GAREM1: variants seen among roughly 807,000 people sequenced by gnomAD.
GAREM1 encodes GRB2 associated regulator of MAPK1 subtype 1, also known as GRB2-associated and regulator of MAPK protein 1.
A neutral mutation model predicts 71.3 loss-of-function variants in GAREM1; 26 were observed. The observed-to-expected ratio is 0.36, with a 90% confidence interval of 0.27 to 0.51. The LOEUF is 0.51. Ranked by LOEUF, GAREM1 falls within the 20% of genes least tolerant of loss-of-function variation. The pLI, the probability that GAREM1 is intolerant of heterozygous loss-of-function variation, is 0.95. For missense variants in GAREM1, 1,026 were observed against 1,103.1 expected (o/e 0.93, Z 0.99); for synonymous variants, 440 against 433.2 (o/e 1.02, Z -0.20).
intron 1 of GAREM1, among the ~76,000 whole-genome samples, chr18:32,461,186 T>C (rs941265697): frequency 6.6e-6 from 1 of 152,206 alleles, no homozygotes; most frequent in Non-Finnish European, 1.5e-5. Context: ...TATAGATATC[T>C]TGGACCTTAT....
chr18:32,288,648 T>C (rs1425869062), intron 3 of GAREM1, among the ~76,000 whole-genome samples: 2 of 151,962 alleles, frequency 1.3e-5, no homozygotes, highest in African/African-American at 2.4e-5. Context: ...TTTAAAAAAT[T>C]ATACATCCAT....
chr18:32,279,057 A>G (rs1426825334), intron 4 of GAREM1, among the ~76,000 whole-genome samples: 1 of 152,218 alleles, frequency 6.6e-6, no homozygotes, highest in Non-Finnish European at 1.5e-5. Context: ...GGGTGCTTTC[A>G]TGGACTCAGA....
At chr18:32,410,931 T>C (rs1388990286) in intron 1 of GAREM1, among the ~76,000 whole-genome samples, 1 of 152,116 alleles carries the variant, frequency 6.6e-6, no homozygotes, top group African/African-American at 2.4e-5. Context: ...GCTTCCCAAG[T>C]AGATGGGATT....
chr18:32,358,172 CT>C (rs1310421301), intron 2 of GAREM1, among the ~76,000 whole-genome samples: 3 of 135,980 alleles, frequency 2.2e-5, no homozygotes, highest in Non-Finnish European at 4.6e-5. Flanking sequence ...CACACGGAGG[CT>C]TTCACAGGGG....
At chr18:32,306,302 C>G (rs995866636) in intron 3 of GAREM1, among the ~76,000 whole-genome samples, 2 of 152,098 alleles carry the variant, frequency 1.3e-5, no homozygotes. Context: ...CTTCTAGACC[C>G]CTAAATGCTG....
chr18:32,390,432 C>A (rs1315241595), intron 2 of GAREM1, among the ~76,000 whole-genome samples: 1 of 152,150 alleles, frequency 6.6e-6, no homozygotes, highest in Non-Finnish European at 1.5e-5. Context: ...GCGATTCATT[C>A]TATTTTGTTT....
chr18:32,303,483 T>C (rs1285391313), intron 3 of GAREM1, among the ~76,000 whole-genome samples: 1 of 152,174 alleles, frequency 6.6e-6, no homozygotes, highest in Non-Finnish European at 1.5e-5. Context: ...CTGGAAGACA[T>C]TTAAAATAAT....
intron 1 of GAREM1, among the ~76,000 whole-genome samples, chr18:32,398,465 T>C (rs1567995259): frequency 6.6e-6 from 1 of 151,802 alleles, no homozygotes; most frequent in Non-Finnish European, 1.5e-5. Flanking sequence ...ATAGACGCAA[T>C]AAAAAATGAT....
At position 32,382,827 on chromosome 18, in the gene GAREM1, G is replaced by T. The variant is rs530167319; in HGVS notation, c.262+10068C>A. On this transcript the variant is annotated intron_variant, in intron 2 of 5. Transcript: ENST00000269209. ...AGACTCGCTGCATAATTACTCTGTGGGTCAGGAGGAAAGGACCCTAGGTGG... is the reference window on the plus strand; with the variant it reads ...AGACTCGCTGCATAATTACTCTGTGTGTCAGGAGGAAAGGACCCTAGGTGG... Among the ~76,000 whole-genome samples the T allele has an allele frequency of 2.2e-4, 33 of 152,182 alleles. No individual in the cohort carries two copies. The South Asian group carries it at 5.6e-3, about 26-fold the overall frequency.
intron 1 of GAREM1, among the ~76,000 whole-genome samples, chr18:32,460,990 G>C (rs2048950013): frequency 6.6e-6 from 1 of 152,144 alleles, no homozygotes; most frequent in African/African-American, 2.4e-5. Flanking sequence ...TTTAGAATAT[G>C]GGTAACTAAT....
chr18:32,375,245 C>A (rs752895407), intron 2 of GAREM1, among the ~76,000 whole-genome samples: 48 of 152,078 alleles, frequency 3.2e-4, no homozygotes, highest in Non-Finnish European at 4.7e-4. Context: ...GGTTATAAGG[C>A]TGGTAAACTG....
chr18:32,468,380 A>T (rs2049017775), intron 1 of GAREM1, among the ~76,000 whole-genome samples: 1 of 152,258 alleles, frequency 6.6e-6, no homozygotes, highest in Non-Finnish European at 1.5e-5. Flanking sequence ...TGTTAAGTGA[A>T]AGAAGCAAGG....
intron 2 of GAREM1, among the ~76,000 whole-genome samples, chr18:32,378,012 CTGTG>C (rs1157230204): frequency 0.13 from 17,499 of 131,656 alleles, 1,124 homozygotes; most frequent in Middle Eastern, 0.2. Flanking sequence ...TACTATATAA[CTGTG>C]TGTGTGTGTG....
In GAREM1 at chr18:32,424,148, GA is replaced by G. The variant is rs1012994907; in HGVS notation, c.122-31114del. Among the ~76,000 whole-genome samples, 219 of 136,016 alleles carry G rather than the reference GA, an allele frequency of 1.6e-3. 1 individual carries two copies. The highest frequency in any genetic ancestry group is 3.7e-3 in the Middle Eastern group (1 of 272). 89.2% of individuals were successfully genotyped at this position (136,016 alleles called of 152,430 possible). On this transcript the variant is annotated intron_variant, in intron 1 of 5. Transcript: ENST00000269209. Reference sequence around the variant, plus strand: ...GAGACCCCCATCTCCCCACCAGCCAGAAAAAAAAAAAAGCAAGTGTCTCACA... The same window carrying G: ...GAGACCCCCATCTCCCCACCAGCCAGAAAAAAAAAAAGCAAGTGTCTCACA...
intron 3 of GAREM1, among the ~76,000 whole-genome samples, chr18:32,299,436 C>A (rs1388537678): frequency 6.7e-6 from 1 of 148,786 alleles, no homozygotes; most frequent in Non-Finnish European, 1.5e-5. Flanking sequence ...ATGGCATGAA[C>A]CCAGGAGGCG....
intron 2 of GAREM1, among the ~76,000 whole-genome samples, chr18:32,373,977 C>T (rs1046434372): frequency 6.6e-6 from 1 of 152,182 alleles, no homozygotes; most frequent in African/African-American, 2.4e-5. Flanking sequence ...TGCCAATACA[C>T]TCCCTGGGAG....
At chr18:32,445,510 A>G (rs1599053075) in intron 1 of GAREM1, among the ~76,000 whole-genome samples, 1 of 152,238 alleles carries the variant, frequency 6.6e-6, no homozygotes, top group East Asian at 1.9e-4. Context: ...TTTTAAAAAG[A>G]GAGAGAAAAT....
intron 2 of GAREM1, among the ~76,000 whole-genome samples, chr18:32,357,208 G>A (rs1428638423): frequency 9.9e-5 from 15 of 152,166 alleles, no homozygotes; most frequent in African/African-American, 3.1e-4. Flanking sequence ...CAGGCACAGC[G>A]GTTCATGCCT....
chr18:32,407,347 G>A (rs1042382787), intron 1 of GAREM1, among the ~76,000 whole-genome samples: 3 of 152,204 alleles, frequency 2.0e-5, no homozygotes, highest in Admixed American at 2.0e-4. Flanking sequence ...AAGGAAGATG[G>A]TGACAGTGGT....
Sources: gnomAD v4.1 joint callset for allele counts (sites outside exome capture counted in the v4.1 genomes callset) on GRCh38, gnomAD v4.1.1 for gene constraint, MANE v1.5 for transcripts, NCBI Gene and HGNC (gene_info 2026-07-23, HGNC 2026-07-21) for gene names.